The following CNOT3 variants were observed in gnomAD, a reference collection of about 807,000 sequenced individuals.
CNOT3 encodes CCR4-associated factor 3.
CNOT3 carries 2 observed loss-of-function variants against 89.4 expected under a neutral mutation model. The ratio of observed to expected loss-of-function variants is 0.02; its 90% confidence interval spans 0.01 to 0.07. CNOT3 has a LOEUF of 0.07. Among genes scored for constraint, CNOT3 ranks in the 10% least tolerant of loss-of-function variants. The probability of loss-of-function intolerance (pLI) is 1.00; values close to 1 mark genes in which losing one functional copy is unlikely to be tolerated. For synonymous variants in CNOT3, 486 were observed against 402.0 expected, an observed-to-expected ratio of 1.21 and a Z score of -2.50; for missense variants, 664 against 1,010.2, an observed-to-expected ratio of 0.66 and a Z score of 4.65.
intron 15 of CNOT3, 102 bp from the exon 16 acceptor site, chr19:54,152,765 T>C (rs2075193914): frequency 1.1e-6 from 1 of 874,782 alleles, no homozygotes; most frequent in African/African-American, 1.7e-5. Flanking sequence ...GCCCTGGGTC[T>C]TTCTGTACCA....
At chr19:54,141,913 G>C (rs587713994) in intron 1 of CNOT3, 2 of 152,314 alleles carry the variant, frequency 1.3e-5, no homozygotes, top group South Asian at 2.1e-4. Context: ...TGGTCTCGCT[G>C]TCAGGCCCTA....
At position 54,148,224 on chromosome 19, in the gene CNOT3, C is replaced by T. The variant is rs1449627762; in HGVS notation, c.971C>T (p.Pro324Leu). 6.3e-7 allele frequency: 1 copy of T among 1,597,422 alleles called. No homozygotes were observed. The highest frequency in any genetic ancestry group is 8.5e-7 in the Non-Finnish European group (1 of 1,171,642). ...TCCCCAGCTGTGCCGCCCACCTACC[C>T]CTCCGGCCCCCCGCCTGCTGCCTCT... ...PQSPAVPPTY[P>L]SGPPPAASAL... The change falls in exon 11 of 18, where the codon CCC (proline) becomes CTC (leucine). Residue 324 changes from proline to leucine, a missense_variant. Physicochemically the swap from Pro to Leu is moderately conservative, Grantham distance 98 (BLOSUM62 -3). This residue lies in a region of CNOT3 where 545 missense variants were observed against 566.2 expected (regional missense o/e 0.96). Coordinates refer to ENST00000221232, the MANE Select transcript of CNOT3 (RefSeq NM_014516.4). The surrounding 1 kb of genome is among the most constrained non-coding windows in gnomAD (Gnocchi z 6.3).
In CNOT3 at chr19:54,144,413, C is replaced by A; in HGVS notation, c.483+81C>A. 1 of 1,037,792 alleles carries A rather than the reference C, an allele frequency of 9.6e-7. No individual in the cohort carries two copies. The highest frequency in any genetic ancestry group is 1.5e-6 in the Non-Finnish European group (1 of 670,890). 64.3% of individuals were successfully genotyped at this position (1,037,792 alleles called of 1,614,324 possible). The stretch of plus-strand genomic sequence containing the variant: ...GCCAGCAGGAGGCCAGTCATTTATG[C>A]TCCTGGGAGTTGGGGCCTGGATTCC... On this transcript the variant is annotated intron_variant, in intron 7 of 17. Coordinates refer to ENST00000221232, the MANE Select transcript of CNOT3 (RefSeq NM_014516.4). The surrounding 1 kb of genome is among the most constrained non-coding windows in gnomAD (Gnocchi z 4.8).
In CNOT3 at chr19:54,152,448, T is replaced by A; in HGVS notation, c.1726T>A (p.Ser576Thr). ...TERDIILSST[S>T]APPASAQPPL... is the part of the protein sequence containing the mutation. ...CACAGACATCATCCTGAGCAGTACA[T>A]CAGCACCTCCGGCCTCAGCCCAGCC... The change falls in exon 15 of 18, where the codon TCA (serine) becomes ACA (threonine). Residue 576 changes from serine to threonine, a missense_variant. By Grantham distance (58) the Ser-to-Thr change is moderately conservative (BLOSUM62 1). Transcript: ENST00000221232. 1 of 1,614,074 alleles carries A rather than the reference T, an allele frequency of 6.2e-7. No individual in the cohort carries two copies.
Position 54,143,195 on chromosome 19 carries a change from G to T in CNOT3, c.93+9G>T, listed in dbSNP as rs1217307979. 6.2e-7 allele frequency: 1 copy of T among 1,611,546 alleles called. No individual in the cohort carries two copies. Among genetic ancestry groups the T allele is most frequent in the Middle Eastern group, 1.7e-4 (1 of 6,052 alleles). Reference sequence around the variant, plus strand: ...AAGATATTTGGCAGAAGGTACAGGGGCTGAGACCCTAATAATCTGGGTCTT... The same window carrying T: ...AAGATATTTGGCAGAAGGTACAGGGTCTGAGACCCTAATAATCTGGGTCTT... On this transcript the variant is annotated intron_variant, in intron 3 of 17. Coordinates refer to ENST00000221232, the MANE Select transcript of CNOT3 (RefSeq NM_014516.4).
intron 17 of CNOT3, 162 bp downstream of exon 17, chr19:54,154,002 G>A (rs540038109): frequency 4.5e-5 from 40 of 881,416 alleles, no homozygotes; most frequent in Admixed American, 2.3e-4. Flanking sequence ...GCTCAGCCTG[G>A]AACACCGCCC....
intron 3 of CNOT3, 126 bp from the exon 4 acceptor site, chr19:54,143,316 C>A: frequency 9.2e-7 from 1 of 1,084,250 alleles, no homozygotes; most frequent in Non-Finnish European, 1.4e-6. Flanking sequence ...AGAGAATCAG[C>A]TCTAAGATGG....
intron 9 of CNOT3, 81 bp downstream of exon 9, chr19:54,146,124 G>T: frequency 6.6e-7 from 1 of 1,509,164 alleles, no homozygotes. Flanking sequence ...ACTCCAAAGT[G>T]GCTATGGGAG....
intron 1 of CNOT3, among the ~76,000 whole-genome samples, 183 bp downstream of exon 1, chr19:54,138,176 C>G (rs1461738996): frequency 1.3e-5 from 2 of 151,850 alleles, no homozygotes; most frequent in South Asian, 4.1e-4. Flanking sequence ...GGCTCCCTCC[C>G]TCTCGCCCTC....
chr19:54,138,269 C>A (rs1259839697), intron 1 of CNOT3, among the ~76,000 whole-genome samples: 2 of 152,192 alleles, frequency 1.3e-5, no homozygotes, highest in South Asian at 4.1e-4. Flanking sequence ...CCCGCCGCCG[C>A]CTCCCCGCGT....
In CNOT3 at chr19:54,144,181, C is replaced by T; in HGVS notation, c.387+47C>T. 2.5e-6 allele frequency: 4 copies of T among 1,612,142 alleles called. No individual in the cohort carries two copies. Among genetic ancestry groups the T allele is most frequent in the Non-Finnish European group, 3.4e-6 (4 of 1,178,784 alleles). On this transcript the variant is annotated intron_variant, in intron 6 of 17. Transcript: ENST00000221232. The surrounding 1 kb of genome is among the most constrained non-coding windows in gnomAD (Gnocchi z 4.8). ...GAGGTGAACTCTGAGGATCCTGAGCCCTGGGTGTAGGCGGAACCCTAGCTG... is the reference window on the plus strand; with the variant it reads ...GAGGTGAACTCTGAGGATCCTGAGCTCTGGGTGTAGGCGGAACCCTAGCTG...
chr19:54,153,094 A>C, intron 16 of CNOT3, 95 bp downstream of exon 16: 1 of 1,285,448 alleles, frequency 7.8e-7, no homozygotes, highest in Non-Finnish European at 1.1e-6. Context: ...TGGGTGCCCC[A>C]CTGCGGCCAC....
rs2146594327 is a variant in CNOT3 at position 54,145,575 on chromosome 19, C to T, written c.484-23C>T. On this transcript the variant is annotated intron_variant, in intron 7 of 17. Transcript: ENST00000221232. This position sits in a 1 kb window ranked among gnomAD's most constrained non-coding sequence, Gnocchi z 5.9. Reference sequence around the variant, plus strand: ...AAGCAGGTGCTCTGCAGCCCCTGAGCCTGGCCCTGGGCTCGCCAGCAGAAG... The same window carrying T: ...AAGCAGGTGCTCTGCAGCCCCTGAGTCTGGCCCTGGGCTCGCCAGCAGAAG... 4.4e-6 allele frequency: 7 copies of T among 1,586,580 alleles called. No individual in the cohort carries two copies. The highest frequency in any genetic ancestry group is 5.2e-6 in the Non-Finnish European group (6 of 1,156,400).
In CNOT3 at chr19:54,155,502, A is replaced by G. The variant is rs765003669; in HGVS notation, c.*95A>G. 6 of 961,044 alleles carry G rather than the reference A, an allele frequency of 6.2e-6. No individual in the cohort carries two copies. The highest frequency in any genetic ancestry group is 1.6e-5 in the South Asian group (1 of 62,012). 59.5% of individuals were successfully genotyped at this position (961,044 alleles called of 1,614,324 possible). On this transcript the variant is annotated 3_prime_UTR_variant, in exon 18 of 18. Transcript: ENST00000221232. ...CCTGGAAGACTGGAGGGAGGCCCCA[A>G]GCCACGGGGCATCCCCCTCTCCCAG... is the stretch of plus-strand genomic sequence containing the variant.
intron 10 of CNOT3, 29 bp downstream of exon 10, chr19:54,146,686 C>T (rs755080158): frequency 3.0e-5 from 38 of 1,266,202 alleles, no homozygotes; most frequent in Middle Eastern, 1.8e-4. Flanking sequence ...CGGGTGGGCA[C>T]GCCATTCACT....
chr19:54,149,931 A>G (rs1261440770), intron 13 of CNOT3, among the ~76,000 whole-genome samples, 173 bp downstream of exon 13: 3 of 151,350 alleles, frequency 2.0e-5, no homozygotes, highest in African/African-American at 7.3e-5. Flanking sequence ...CCTCCCCGTG[A>G]CCTTGATCTC....
intron 1 of CNOT3, among the ~76,000 whole-genome samples, chr19:54,140,325 G>C (rs187873586): frequency 6.6e-6 from 1 of 152,080 alleles, no homozygotes; most frequent in East Asian, 1.9e-4. Context: ...CTCCTCCTGG[G>C]CCGAGGTTCC....
chr19:54,155,576 G>GC lies in CNOT3; in HGVS notation c.*172dup. 1.0e-6 allele frequency: 1 copy of GC among 992,072 alleles called. No homozygotes were observed. The highest frequency in any genetic ancestry group is 1.5e-6 in the Non-Finnish European group (1 of 682,190). The allele number at this position is 992,072 out of a possible 1,614,324, so 61.5% of individuals were successfully genotyped here. On this transcript the variant is annotated 3_prime_UTR_variant, in exon 18 of 18. Coordinates refer to ENST00000221232, the MANE Select transcript of CNOT3 (RefSeq NM_014516.4). ...TTTTCCTCTCAGCCCCACCCTGGGG[G>GC]CCCGGGGGCGAGGGCTGCCCCCTCC...
intron 1 of CNOT3, among the ~76,000 whole-genome samples, chr19:54,138,981 C>T (rs587739013): frequency 6.6e-6 from 1 of 152,206 alleles, no homozygotes; most frequent in Non-Finnish European, 1.5e-5. Context: ...GGGCGTCTCC[C>T]AGTGATATCA....
Sources: allele counts gnomAD v4.1 joint callset (sites outside exome capture counted in the v4.1 genomes callset), GRCh38; gene constraint gnomAD v4.1.1; regional missense constraint gnomAD v4.1.1; non-coding constraint Gnocchi (gnomAD v3.1); transcripts MANE v1.5; gene names NCBI Gene and HGNC (gene_info 2026-07-23, HGNC 2026-07-21).